Variants in DERL1 observed in about 807,000 individuals in gnomAD.
DERL1 encodes derlin 1.
In DERL1, 24 loss-of-function variants were observed where a neutral mutation model predicts 41.6. The ratio of observed to expected loss-of-function variants is 0.58; its 90% CI spans 0.42 to 0.81. The LOEUF (loss-of-function observed/expected upper bound fraction) is 0.81. DERL1 is among the 30% of genes least tolerant of loss of function. The pLI is 0.00. For missense variants in DERL1, 260 were observed against 314.3 expected, an observed-to-expected ratio of 0.83 and a Z score of 1.31; for synonymous variants, 124 against 112.5, an observed-to-expected ratio of 1.10 and a Z score of -0.65.
In DERL1 at chr8:123,030,678, C is replaced by A; in HGVS notation, c.192G>T (p.Val64=). The A allele has an allele frequency of 6.2e-7, 1 of 1,612,638 alleles. No individual in the cohort carries two copies. The highest frequency in any genetic ancestry group is 1.1e-5 in the South Asian group (1 of 90,580). The change falls in exon 2 of 8, where the codon GTG becomes GTT. Residue 64 remains valine, a synonymous_variant. Coordinates refer to ENST00000259512, the MANE Select transcript of DERL1 (RefSeq NM_024295.6). ...RPITATFYFP[V]GPGTGFLYLV... Reference sequence around the variant, plus strand: ...AATAAAGAAATCCAGTTCCTGGACCCACAGGGAAATAAAAGGTGGCAGTGA... The same window carrying A: ...AATAAAGAAATCCAGTTCCTGGACCAACAGGGAAATAAAAGGTGGCAGTGA...
At chr8:123,017,510 A>C (rs1468369921) in intron 7 of DERL1, 3 of 152,244 alleles carry the variant, frequency 2.0e-5, no homozygotes, top group African/African-American at 7.2e-5. Context: ...GTATAAAAAG[A>C]TACCCAATTA....
chr8:123,020,496 A>G (rs1814733065), intron 6 of DERL1, among the ~76,000 whole-genome samples: 1 of 151,894 alleles, frequency 6.6e-6, no homozygotes, highest in Non-Finnish European at 1.5e-5. Context: ...ATAAATAAGT[A>G]AATAAATAAA....
chr8:123,021,073 G>A (rs1814752260), intron 6 of DERL1, among the ~76,000 whole-genome samples: 1 of 152,012 alleles, frequency 6.6e-6, no homozygotes, highest in Admixed American at 6.6e-5. Flanking sequence ...AGGCATTCTG[G>A]AAATGCCTTA....
At chr8:123,035,376 A>G (rs1319036601) in intron 1 of DERL1, among the ~76,000 whole-genome samples, 1 of 152,242 alleles carries the variant, frequency 6.6e-6, no homozygotes, top group East Asian at 1.9e-4. Flanking sequence ...GGAAATCCCC[A>G]TTGTAAGTAT....
chr8:123,035,417 A>T (rs1812905458), intron 1 of DERL1, among the ~76,000 whole-genome samples: 1 of 152,170 alleles, frequency 6.6e-6, no homozygotes, highest in Admixed American at 6.5e-5. Flanking sequence ...CCTCGACCTG[A>T]TATGTAAACA....
At chr8:123,026,286 G>C (rs1026747887) in intron 2 of DERL1, among the ~76,000 whole-genome samples, 8 of 152,150 alleles carry the variant, frequency 5.3e-5, no homozygotes, top group Admixed American at 4.6e-4. Context: ...ACAATTTCCC[G>C]ATTTTAATAA....
rs185084921 is a variant in DERL1 at position 123,026,789 on chromosome 8, A to C, written c.266-1739T>G. On this transcript the variant is annotated intron_variant, in intron 2 of 7. Coordinates refer to ENST00000259512, the MANE Select transcript of DERL1 (RefSeq NM_024295.6). Reference sequence around the variant, plus strand: ...TGGCCAAAAAATGAAACCAAGTCAAATGTCTATCAACTGATGACTGAATAA... The same window carrying C: ...TGGCCAAAAAATGAAACCAAGTCAACTGTCTATCAACTGATGACTGAATAA... Among the ~76,000 whole-genome samples the C allele has an allele frequency of 1.6e-3, 230 of 144,960 alleles. 3 individuals are homozygous for C. The highest frequency in any genetic ancestry group is 7.1e-3 in the Middle Eastern group (2 of 280).
At position 123,030,557 on chromosome 8, in the gene DERL1, T is replaced by G. The variant is rs150123175; in HGVS notation, c.265+48A>C. On this transcript the variant is annotated intron_variant, in intron 2 of 7. Transcript: ENST00000259512. ...ATTCCTCCAAAGTAAACACATGGAT[T>G]AGTAAATGAGAAAGAAACAATGCTT... is the stretch of plus-strand genomic sequence containing the variant. 9 of 1,321,636 alleles carry G rather than the reference T, an allele frequency of 6.8e-6. No individual in the cohort carries two copies. In the African/African-American group the frequency reaches 1.3e-4, roughly 20 times the overall value. 81.9% of individuals were successfully genotyped at this position (1,321,636 alleles called of 1,614,324 possible).
intron 1 of DERL1, among the ~76,000 whole-genome samples, chr8:123,031,527 G>A (rs758189356): frequency 7.2e-5 from 11 of 151,878 alleles, no homozygotes; most frequent in South Asian, 2.1e-4. Flanking sequence ...CCTGGGTGAC[G>A]AGCGAAACTC....
intron 7 of DERL1, 55 bp downstream of exon 7, chr8:123,019,140 T>G: frequency 1.7e-6 from 2 of 1,195,742 alleles, no homozygotes; most frequent in Non-Finnish European, 2.5e-6. Context: ...CTCATTAGGA[T>G]GCACTAAGAA....
intron 4 of DERL1, among the ~76,000 whole-genome samples, chr8:123,023,349 AGTTCAAGACCAG>A (rs1377641670): frequency 1.3e-5 from 2 of 152,134 alleles, no homozygotes; most frequent in Non-Finnish European, 2.9e-5. Flanking sequence ...TGAGGTCAGG[AGTTCAAGACCAG>A]CCTGGTGACA....
chr8:123,036,621 A>G (rs2130494446), intron 1 of DERL1, among the ~76,000 whole-genome samples: 1 of 152,340 alleles, frequency 6.6e-6, no homozygotes, highest in South Asian at 2.1e-4. Flanking sequence ...AGTTTTTTAA[A>G]AAGCCACAAT....
At position 123,015,417 on chromosome 8, in the gene DERL1, TGA is replaced by T. The variant is rs1314291226; in HGVS notation, c.*28_*29del. 1 of 1,608,446 alleles carries T rather than the reference TGA, an allele frequency of 6.2e-7. No homozygotes were observed. The highest frequency in any genetic ancestry group is 8.5e-7 in the Non-Finnish European group (1 of 1,177,184). On this transcript the variant is annotated 3_prime_UTR_variant, in exon 8 of 8. Coordinates refer to ENST00000259512, the MANE Select transcript of DERL1 (RefSeq NM_024295.6). ...CCCAGCACTGGGAGGAAATGTGGCT[TGA>T]GAGGAGCGGCTGCCCGAGGCCGCCC... is the stretch of plus-strand genomic sequence containing the variant.
intron 2 of DERL1, among the ~76,000 whole-genome samples, chr8:123,026,750 GCTATTATTCAC>G (rs879711521): frequency 0.07 from 10,659 of 152,098 alleles, 366 homozygotes; most frequent in Middle Eastern, 0.095. Flanking sequence ...GTTCATAGCA[GCTATTATTCAC>G]AATGGCCAAA....
intron 2 of DERL1, among the ~76,000 whole-genome samples, chr8:123,026,622 C>T (rs1327481457): frequency 6.6e-6 from 1 of 152,182 alleles, no homozygotes; most frequent in Non-Finnish European, 1.5e-5. Flanking sequence ...GTCCTAACTG[C>T]GTTAACTCAA....
chr8:123,017,857 C>A (rs985695130), intron 7 of DERL1: 1 of 152,168 alleles, frequency 6.6e-6, no homozygotes, highest in Non-Finnish European at 1.5e-5. Flanking sequence ...GCCAAACCTG[C>A]TGTTATTATG....
chr8:123,041,020 T>C (rs1252940317), intron 1 of DERL1, among the ~76,000 whole-genome samples: 3 of 152,148 alleles, frequency 2.0e-5, no homozygotes, highest in Admixed American at 1.3e-4. Context: ...ATAGAAAGTA[T>C]GTAAAGCCCT....
Position 123,015,447 on chromosome 8 carries a change from TC to T in DERL1, c.755del (p.Ter252=). 1 of 1,612,698 alleles carries T rather than the reference TC, an allele frequency of 6.2e-7. No individual in the cohort carries two copies. Among genetic ancestry groups the T allele is most frequent in the Non-Finnish European group, 8.5e-7 (1 of 1,179,370 alleles). Reference protein sequence around the residue: ...WGQGFRLGDQ* With the variant: ...WGQGFRLGDQX ...GGAGCGGCTGCCCGAGGCCGCCCCT[TC>T]ACTGGTCTCCAAGTCGAAAGCCCTG... On this transcript the variant is annotated frameshift_variant and stop_lost, in exon 8 of 8. Coordinates refer to ENST00000259512, the MANE Select transcript of DERL1 (RefSeq NM_024295.6). LOFTEE classifies it high-confidence loss of function.
intron 6 of DERL1, among the ~76,000 whole-genome samples, chr8:123,020,780 T>A (rs1382796175): frequency 2.8e-5 from 3 of 108,990 alleles, no homozygotes; most frequent in Non-Finnish European, 5.4e-5. Context: ...CAAAACCCCA[T>A]CTCTACTAAA....
Sources: gnomAD v4.1 joint callset for allele counts (sites outside exome capture counted in the v4.1 genomes callset) on GRCh38, gnomAD v4.1.1 for gene constraint, MANE v1.5 for transcripts, NCBI Gene and HGNC (gene_info 2026-07-23, HGNC 2026-07-21) for gene names.